The following NCBP1 variants were observed in gnomAD, a reference collection of about 807,000 sequenced individuals.
NCBP1 encodes the protein nuclear cap binding protein subunit 1.
In NCBP1, 16 loss-of-function variants were observed where a neutral mutation model predicts 111.7. The ratio of observed to expected loss-of-function variants is 0.14; its 90% CI spans 0.10 to 0.22. NCBP1 has a LOEUF of 0.22. NCBP1 is among the 10% of genes least tolerant of loss of function. The probability of loss-of-function intolerance (pLI) is 1.00; values close to 1 mark genes in which losing one functional copy is unlikely to be tolerated. For missense variants in NCBP1, 607 were observed against 957.5 expected, an observed-to-expected ratio of 0.63 and a Z score of 4.83; for synonymous variants, 304 against 314.3, an observed-to-expected ratio of 0.97 and a Z score of 0.35.
chr9:97,666,193 A>G (rs1269124503), intron 19 of NCBP1, among the ~76,000 whole-genome samples: 3 of 152,202 alleles, frequency 2.0e-5, no homozygotes, highest in Non-Finnish European at 2.9e-5. Flanking sequence ...ATTTCAAAGC[A>G]CCTACAAAGT....
intron 16 of NCBP1, 60 bp from the exon 17 acceptor site, chr9:97,661,982 T>C: frequency 8.5e-7 from 1 of 1,181,532 alleles, no homozygotes; most frequent in Non-Finnish European, 1.3e-6. Context: ...GCATTTGAGG[T>C]AAGGCACCAA....
Position 97,658,729 on chromosome 9 carries a change from G to C in NCBP1, c.1463G>C (p.Gly488Ala), listed in dbSNP as rs565223329. ...PANPTCIYKY[G>A]DESSNSLPGH... ...AACCCAACCTGCATTTACAAGTATG[G>C]AGATGAAAGTAGCAGTAAGTAATGA... Residue 488 changes from glycine (G) to alanine (A), a missense_variant, in exon 15 of 23, where the codon GGA becomes GCA. Physicochemically the swap from Gly to Ala is moderately conservative, Grantham distance 60. Coordinates refer to ENST00000375147, the MANE Select transcript of NCBP1 (RefSeq NM_002486.5). 2 of 1,605,878 alleles carry C rather than the reference G, an allele frequency of 1.2e-6. No individual in the cohort carries two copies. The highest frequency in any genetic ancestry group is 2.2e-5 in the East Asian group (1 of 44,822).
At position 97,661,393 on chromosome 9, in the gene NCBP1, C is replaced by G. The variant is rs147338410; in HGVS notation, c.1600+325C>G. On this transcript the variant is annotated intron_variant, in intron 16 of 22. Coordinates refer to ENST00000375147, the MANE Select transcript of NCBP1 (RefSeq NM_002486.5). ...GGTGTGTTATAAAGTTGGATGTTTT[C>G]TCCAAGTTAAGCTATTAGAATAATA... Among the ~76,000 whole-genome samples, 33 of 152,274 alleles carry G rather than the reference C, an allele frequency of 2.2e-4. 1 individual carries two copies. The East Asian group carries it at 6.0e-3, about 28-fold the overall frequency.
At chr9:97,669,893 A>G (rs1828128995) in intron 22 of NCBP1, 187 bp downstream of exon 22, 2 of 652,492 alleles carry the variant, frequency 3.1e-6, no homozygotes, top group Non-Finnish European at 5.6e-6. Flanking sequence ...TACCACTTAG[A>G]TTCCTAATTG....
At chr9:97,660,866 T>A (rs572252490) in intron 15 of NCBP1, 80 bp from the exon 16 acceptor site, 1 of 1,469,544 alleles carries the variant, frequency 6.8e-7, no homozygotes, top group African/African-American at 1.4e-5. Context: ...AAAAAAAATT[T>A]TTCTCAGTTA....
At chr9:97,640,987 TGG>T in intron 2 of NCBP1, 105 bp downstream of exon 2, 2 of 783,616 alleles carry the variant, frequency 2.6e-6, no homozygotes, top group Non-Finnish European at 4.1e-6. Context: ...TTGGCAAAGC[TGG>T]TATTACCATG....
rs1386186645 is a variant in NCBP1 at position 97,672,748 on chromosome 9, A to C, written c.*1549A>C. The stretch of plus-strand genomic sequence containing the variant: ...CAACGTGAAGATGATGAGGATGAAG[A>C]CCTTTATGATGATCCACTTCTACTT... On this transcript the variant is annotated 3_prime_UTR_variant, in exon 23 of 23. Transcript: ENST00000375147. The C allele has an allele frequency of 2.3e-5, 4 of 177,310 alleles. No homozygotes were observed. Among genetic ancestry groups the C allele is most frequent in the Admixed American group, 1.8e-4 (3 of 16,976 alleles). The allele number at this position is 177,310 out of a possible 1,614,324, so 11.0% of individuals were successfully genotyped here.
Position 97,648,151 on chromosome 9 carries a change from TCA to T in NCBP1, c.829_830del (p.Thr277Ter). On this transcript the variant is annotated frameshift_variant, in exon 8 of 23. Coordinates refer to ENST00000375147, the MANE Select transcript of NCBP1 (RefSeq NM_002486.5). LOFTEE classifies it high-confidence loss of function. ...ATCTGCCTCCTTTTACACCACCTCC[TCA>T]CACTGAAGATTCAGTGTACCCAATG... ...HNLPPFTPPP[H>X]TEDSVYPMPR... 6.2e-7 allele frequency: 1 copy of T among 1,614,186 alleles called. No individual in the cohort carries two copies. The highest frequency in any genetic ancestry group is 8.5e-7 in the Non-Finnish European group (1 of 1,180,016).
rs147124035 is a variant in NCBP1 at position 97,673,473 on chromosome 9, C to G, written c.*2274C>G. On this transcript the variant is annotated 3_prime_UTR_variant, in exon 23 of 23. Transcript: ENST00000375147. ...ATTTGTAGGTTTTAATTTCTTTTCTCTTGGTCCTCTCTTCATGTATAATGG... is the reference window on the plus strand; with the variant it reads ...ATTTGTAGGTTTTAATTTCTTTTCTGTTGGTCCTCTCTTCATGTATAATGG... The G allele has an allele frequency of 6.6e-6, 1 of 152,180 alleles. No individual in the cohort carries two copies. The highest frequency in any genetic ancestry group is 2.4e-5 in the African/African-American group (1 of 41,448). 9.4% of individuals were successfully genotyped at this position (152,180 alleles called of 1,614,324 possible). A position where few individuals can be genotyped will look rare whatever the true frequency, so the allele number is the denominator to read the frequency against.
Position 97,671,323 on chromosome 9 carries a change from AAG to A in NCBP1, c.*127_*128del. 1.4e-6 allele frequency: 1 copy of A among 691,434 alleles called. No homozygotes were observed. Among genetic ancestry groups the A allele is most frequent in the East Asian group, 2.8e-5 (1 of 36,050 alleles). The allele number at this position is 691,434 out of a possible 1,614,324, so 42.8% of individuals were successfully genotyped here. ...TCACTTCTTAAAGGAAACAAAGGGGAAGAGGACAGTGAATGAACATGGCATTA... is the reference window on the plus strand; with the variant it reads ...TCACTTCTTAAAGGAAACAAAGGGGAAGGACAGTGAATGAACATGGCATTA... On this transcript the variant is annotated 3_prime_UTR_variant, in exon 23 of 23. Transcript: ENST00000375147.
intron 11 of NCBP1, among the ~76,000 whole-genome samples, 164 bp from the exon 12 acceptor site, chr9:97,654,716 A>G (rs1827597548): frequency 1.3e-5 from 2 of 152,218 alleles, no homozygotes; most frequent in Admixed American, 1.3e-4. Context: ...CATCACTGAT[A>G]TTTCAAAGCT....
At position 97,669,708 on chromosome 9, in the gene NCBP1, T is replaced by A; in HGVS notation, c.2259+2T>A. 6.5e-7 allele frequency: 1 copy of A among 1,546,278 alleles called. No individual in the cohort carries two copies. Among genetic ancestry groups the A allele is most frequent in the Non-Finnish European group, 8.9e-7 (1 of 1,118,462 alleles). On this transcript the variant is annotated splice_donor_variant, in intron 22 of 22. Coordinates refer to ENST00000375147, the MANE Select transcript of NCBP1 (RefSeq NM_002486.5). LOFTEE classifies it high-confidence loss of function. ...AGGCTGCAGCAGATCTTCCTACAGG[T>A]ATGTGGGGAACTTCGATTAGGTAAT...
Position 97,645,237 on chromosome 9 carries a change from C to A in NCBP1, c.489+13C>A. 1 of 1,584,786 alleles carries A rather than the reference C, an allele frequency of 6.3e-7. No homozygotes were observed. The highest frequency in any genetic ancestry group is 1.1e-5 in the South Asian group (1 of 90,330). On this transcript the variant is annotated intron_variant, in intron 5 of 22. Coordinates refer to ENST00000375147, the MANE Select transcript of NCBP1 (RefSeq NM_002486.5). The stretch of plus-strand genomic sequence containing the variant: ...AGATGTACCTCAGGTAAGAGAACCC[C>A]TCATGCTGAATCTTGAGGGGTTCTT...
chr9:97,655,077 A>G (rs994714469), intron 12 of NCBP1, 133 bp downstream of exon 12: 4 of 649,016 alleles, frequency 6.2e-6, no homozygotes, highest in East Asian at 3.2e-5. Flanking sequence ...TAACCTTTGT[A>G]TAATAACCAG....
intron 2 of NCBP1, among the ~76,000 whole-genome samples, chr9:97,641,317 ATAAC>A (rs1278730461): frequency 6.6e-6 from 1 of 152,104 alleles, no homozygotes; most frequent in Non-Finnish European, 1.5e-5. Context: ...CTGAAGAACA[ATAAC>A]TATCTGAATT....
chr9:97,648,252 T>C lies in NCBP1; in HGVS notation c.897+29T>C, dbSNP rs548910539. 688 of 1,592,774 alleles carry C rather than the reference T, an allele frequency of 4.3e-4. 9 individuals are homozygous for C. The South Asian group carries it at 7.2e-3, about 17-fold the overall frequency. ...AGTGACCGACTAAAAGTCCTAGATA[T>C]TGACCTGTGTTGCATTGTGCTTGTG... On this transcript the variant is annotated intron_variant, in intron 8 of 22. Transcript: ENST00000375147.
Position 97,643,186 on chromosome 9 carries a change from A to C in NCBP1, c.225-18A>C. ...CATTGTTTTGGGGTTTTCTTGTTAT[A>C]CTGGGTTCTTAAATCAGTGCACGCC... On this transcript the variant is annotated intron_variant, in intron 3 of 22. Coordinates refer to ENST00000375147, the MANE Select transcript of NCBP1 (RefSeq NM_002486.5). 1 of 1,565,348 alleles carries C rather than the reference A, an allele frequency of 6.4e-7. No homozygotes were observed. The highest frequency in any genetic ancestry group is 2.4e-5 in the East Asian group (1 of 41,898).
At chr9:97,645,460 A>T in intron 5 of NCBP1, 151 bp from the exon 6 acceptor site, 2 of 854,296 alleles carry the variant, frequency 2.3e-6, no homozygotes, top group East Asian at 2.7e-5. Flanking sequence ...GTAAGATTAG[A>T]ACTAATATAT....
Position 97,673,036 on chromosome 9 carries a change from G to A in NCBP1, c.*1837G>A. 1 of 152,564 alleles carries A rather than the reference G, an allele frequency of 6.6e-6. No homozygotes were observed. Among genetic ancestry groups the A allele is most frequent in the Non-Finnish European group, 1.5e-5 (1 of 68,244 alleles). The allele number at this position is 152,564 out of a possible 1,614,324, so 9.5% of individuals were successfully genotyped here. A position where few individuals can be genotyped will look rare whatever the true frequency, so the allele number is the denominator to read the frequency against. On this transcript the variant is annotated 3_prime_UTR_variant, in exon 23 of 23. Coordinates refer to ENST00000375147, the MANE Select transcript of NCBP1 (RefSeq NM_002486.5). ...CCAGCTACTTGGGAGGCTGAGACAG[G>A]AGAATCGCTTGAACCTGGGAGGTGG...
Sources: allele counts gnomAD v4.1 joint callset (sites outside exome capture counted in the v4.1 genomes callset), GRCh38; gene constraint gnomAD v4.1.1; transcripts MANE v1.5; gene names NCBI Gene and HGNC (gene_info 2026-07-23, HGNC 2026-07-21).